The following RSF1 variants were observed in gnomAD, a reference collection of about 807,000 sequenced individuals.
RSF1 encodes HBV pX-associated protein 8.
Under a neutral mutation model 145.2 loss-of-function variants are expected in RSF1, and 13 were observed. The ratio of observed to expected loss-of-function variants is 0.09; its 90% CI spans 0.06 to 0.14. The LOEUF is 0.14. RSF1 is among the 10% of genes least tolerant of loss of function. The pLI, the probability that RSF1 is intolerant of heterozygous loss-of-function variation, is 1.00. For missense variants in RSF1, 1,517 were observed against 1,718.2 expected (o/e 0.88, Z 2.07); for synonymous variants, 577 against 592.6 (o/e 0.97, Z 0.38).
intron 2 of RSF1, chr11:77,762,022 C>CTTTTAT (rs1554994575): frequency 2.5e-5 from 2 of 80,286 alleles, no homozygotes; most frequent in African/African-American, 1.0e-4. Flanking sequence ...ATTTTCTTTT[C>CTTTTAT]TTTTCTTTTT....
chr11:77,684,707 T>C (rs879800044), intron 10 of RSF1, among the ~76,000 whole-genome samples: 3 of 152,058 alleles, frequency 2.0e-5, no homozygotes, highest in Non-Finnish European at 4.4e-5. Flanking sequence ...AAAACCACTG[T>C]CCAGGAGCAG....
chr11:77,860,174 T>C, the RSF1 span, among the ~76,000 whole-genome samples: 1 of 152,220 alleles, frequency 6.6e-6, no homozygotes, highest in Non-Finnish European at 1.5e-5. Flanking sequence ...AGCTTAACAC[T>C]GGGGCTTGGG....
chr11:77,731,740 A>G (rs1961210888), intron 4 of RSF1, among the ~76,000 whole-genome samples: 1 of 152,252 alleles, frequency 6.6e-6, no homozygotes, highest in Non-Finnish European at 1.5e-5. Flanking sequence ...GCAAGTCCCA[A>G]GCTTTGGCAG....
chr11:77,799,121 C>T (rs1948602176), intron 1 of RSF1, among the ~76,000 whole-genome samples: 1 of 151,856 alleles, frequency 6.6e-6, no homozygotes. Flanking sequence ...TTACAAACTG[C>T]TCATATGACA....
At chr11:77,804,609 G>A (rs1313236251) in intron 1 of RSF1, among the ~76,000 whole-genome samples, 1 of 152,148 alleles carries the variant, frequency 6.6e-6, no homozygotes, top group Non-Finnish European at 1.5e-5. Flanking sequence ...GGCCAAAGTG[G>A]GTGGATCACT....
chr11:77,676,279 C>CTTT (rs72097709), intron 13 of RSF1, among the ~76,000 whole-genome samples: 1 of 145,282 alleles, frequency 6.9e-6, no homozygotes, highest in Admixed American at 6.9e-5. Flanking sequence ...TGCAGAATGA[C>CTTT]TTTTTTTTTT....
intron 1 of RSF1, among the ~76,000 whole-genome samples, chr11:77,768,134 T>C (rs191977809): frequency 7.3e-5 from 11 of 149,742 alleles, no homozygotes; most frequent in Admixed American, 6.0e-4. Flanking sequence ...ATGCCCTTCA[T>C]CCAAAATTAT....
chr11:77,773,683 A>C (rs1405461594), intron 1 of RSF1, among the ~76,000 whole-genome samples: 1 of 152,196 alleles, frequency 6.6e-6, no homozygotes, highest in Non-Finnish European at 1.5e-5. Context: ...TATCATAGAC[A>C]ATGCCTAACC....
intron 1 of RSF1, among the ~76,000 whole-genome samples, chr11:77,811,643 A>G (rs1948732642): frequency 6.6e-6 from 1 of 152,250 alleles, no homozygotes; most frequent in Admixed American, 6.5e-5. Context: ...AAGAAAAAGC[A>G]TAAATGTAAA....
chr11:77,776,664 A>C (rs1948345550), intron 1 of RSF1, among the ~76,000 whole-genome samples: 1 of 152,246 alleles, frequency 6.6e-6, no homozygotes, highest in Non-Finnish European at 1.5e-5. Context: ...TGTCTTACTT[A>C]AAGAAAAATT....
intron 1 of RSF1, among the ~76,000 whole-genome samples, chr11:77,789,275 G>A (rs1208884356): frequency 6.6e-6 from 1 of 152,204 alleles, no homozygotes; most frequent in Non-Finnish European, 1.5e-5. Context: ...AAGCTGTCGG[G>A]AGATTGTATG....
chr11:77,832,625 C>T, the RSF1 span, among the ~76,000 whole-genome samples: 1 of 151,744 alleles, frequency 6.6e-6, no homozygotes, highest in Non-Finnish European at 1.5e-5. Context: ...CGCGCCTGGC[C>T]ATAGAGGAAC....
At chr11:77,872,109 A>G in the RSF1 span, 3 of 1,525,556 alleles carry the variant, frequency 2.0e-6, no homozygotes, top group Admixed American at 1.9e-5. Context: ...CACCTGCCTC[A>G]TGGCAGTAAA....
intron 13 of RSF1, among the ~76,000 whole-genome samples, chr11:77,675,785 A>G (rs1959685680): frequency 6.6e-6 from 1 of 152,222 alleles, no homozygotes; most frequent in South Asian, 2.1e-4. Context: ...AGTTTCTCTA[A>G]TATCTGGTCT....
At chr11:77,870,795 TAC>T in the RSF1 span, among the ~76,000 whole-genome samples, 2 of 152,232 alleles carry the variant, frequency 1.3e-5, no homozygotes, top group African/African-American at 2.4e-5. Context: ...TGCAAATATA[TAC>T]ACACTTACAC....
At chr11:77,842,765 C>A in the RSF1 span, 1 of 1,229,518 alleles carries the variant, frequency 8.1e-7, no homozygotes, top group Non-Finnish European at 1.1e-6. Flanking sequence ...TAAATTCACC[C>A]TTTTAAAGTA....
intron 1 of RSF1, among the ~76,000 whole-genome samples, chr11:77,790,522 A>G (rs1274988613): frequency 6.6e-6 from 1 of 152,142 alleles, no homozygotes; most frequent in African/African-American, 2.4e-5. Flanking sequence ...ACAGTCCCCC[A>G]AAGTCTTAAC....
chr11:77,842,153 A>G, the RSF1 span, among the ~76,000 whole-genome samples: 1 of 152,070 alleles, frequency 6.6e-6, no homozygotes, highest in African/African-American at 2.4e-5. Context: ...TTCTAGCTTT[A>G]TAGTTTCTTC....
rs1959356592 is a variant in RSF1 at position 77,666,104 on chromosome 11, T to C, written c.*813A>G. The C allele has an allele frequency of 6.6e-6, 1 of 152,234 alleles. No individual in the cohort carries two copies. The allele number at this position is 152,234 out of a possible 1,614,324, so 9.4% of individuals were successfully genotyped here. On this transcript the variant is annotated 3_prime_UTR_variant, in exon 16 of 16. Transcript: ENST00000308488. The stretch of plus-strand genomic sequence containing the variant: ...AGAAAGACCACATTCATTTCACTAA[T>C]AACTCTCCATCAGACACAATATATT...
Sources: allele counts gnomAD v4.1 joint callset (sites outside exome capture counted in the v4.1 genomes callset), GRCh38; gene constraint gnomAD v4.1.1; transcripts MANE v1.5; gene names NCBI Gene and HGNC (gene_info 2026-07-23, HGNC 2026-07-21).